RASA2: variants seen among roughly 807,000 people sequenced by gnomAD.
RASA2 encodes ras GTPase-activating protein 2.
RASA2 carries 155 observed loss-of-function variants against 118.2 expected under a neutral mutation model. That is an observed-to-expected ratio of 1.31 (90% CI 1.15 to 1.50). The LOEUF is 1.50. Ranked by LOEUF, RASA2 falls within the 40% of genes most tolerant of loss-of-function variation. RASA2 has a pLI of 0.00. For synonymous variants in RASA2, 353 were observed against 349.1 expected, an observed-to-expected ratio of 1.01 and a Z score of -0.12; for missense variants, 1,016 against 1,009.6, an observed-to-expected ratio of 1.01 and a Z score of -0.09.
chr3:141,531,335 T>C (rs183732608), intron 4 of RASA2, among the ~76,000 whole-genome samples: 1 of 152,000 alleles, frequency 6.6e-6, no homozygotes, highest in African/African-American at 2.4e-5. Context: ...AAAATCTATA[T>C]AGAATATAGA....
chr3:141,495,886 A>G (rs1252020316), intron 1 of RASA2, among the ~76,000 whole-genome samples: 1 of 152,258 alleles, frequency 6.6e-6, no homozygotes, highest in African/African-American at 2.4e-5. Context: ...AGGTATATCT[A>G]TGTTATGAAA....
At position 141,580,083 on chromosome 3, in the gene RASA2, AAAATATATAT is replaced by A. The variant is rs1427286611; in HGVS notation, c.1591-283_1591-274del. Among the ~76,000 whole-genome samples, 50 of 82,526 alleles carry A rather than the reference AAAATATATAT, an allele frequency of 6.1e-4. 1 individual carries two copies. Among genetic ancestry groups the A allele is most frequent in the African/African-American group, 2.2e-3 (43 of 19,722 alleles). 54.1% of individuals were successfully genotyped at this position (82,526 alleles called of 152,430 possible). The stretch of plus-strand genomic sequence containing the variant: ...GAAAAAAAAAAGAAAAAAAAAAAAA[AAAATATATAT>A]ATATATATATATATATATATATATG... On this transcript the variant is annotated intron_variant, in intron 15 of 23. Coordinates refer to ENST00000286364, the MANE Select transcript of RASA2 (RefSeq NM_006506.5).
intron 23 of RASA2, among the ~76,000 whole-genome samples, chr3:141,611,184 T>A (rs1200920494): frequency 6.6e-6 from 1 of 152,194 alleles, no homozygotes; most frequent in African/African-American, 2.4e-5. Flanking sequence ...CTACAGTTGG[T>A]TAATTCAGCA....
At chr3:141,487,338 T>G (rs1347532264) in intron 1 of RASA2, 122 bp downstream of exon 1, 11 of 1,015,510 alleles carry the variant, frequency 1.1e-5, no homozygotes, top group East Asian at 1.1e-4. Context: ...GGAGGGGGCC[T>G]GGGCCGGGCG....
intron 5 of RASA2, among the ~76,000 whole-genome samples, chr3:141,548,561 A>G (rs2082522553): frequency 6.6e-6 from 1 of 152,026 alleles, no homozygotes; most frequent in African/African-American, 2.4e-5. Flanking sequence ...TTGATTTCTC[A>G]TCCTTATAGA....
chr3:141,524,081 C>A (rs1245598959), intron 3 of RASA2, among the ~76,000 whole-genome samples: 1 of 152,224 alleles, frequency 6.6e-6, no homozygotes, highest in African/African-American at 2.4e-5. Flanking sequence ...TGGCTTAATA[C>A]AGCAACCGTA....
chr3:141,603,476 C>T (rs1405855148), intron 19 of RASA2, among the ~76,000 whole-genome samples: 1 of 151,942 alleles, frequency 6.6e-6, no homozygotes, highest in Non-Finnish European at 1.5e-5. Flanking sequence ...GAGGCTGAGG[C>T]AGGAGAATCG....
At chr3:141,553,719 G>A in intron 5 of RASA2, 138 bp from the exon 6 acceptor site, 1 of 1,383,828 alleles carries the variant, frequency 7.2e-7, no homozygotes, top group Non-Finnish European at 9.4e-7. Flanking sequence ...TTCCATATAG[G>A]TAGTATATAG....
At chr3:141,580,995 A>G (rs771206804) in intron 16 of RASA2, 105 bp from the exon 17 acceptor site, 4 of 1,202,360 alleles carry the variant, frequency 3.3e-6, no homozygotes, top group Non-Finnish European at 4.4e-6. Flanking sequence ...CTGAAAATAT[A>G]TAATTGAGTC....
At chr3:141,599,384 A>G (rs1175306370) in intron 19 of RASA2, among the ~76,000 whole-genome samples, 1 of 152,108 alleles carries the variant, frequency 6.6e-6, no homozygotes, top group Non-Finnish European at 1.5e-5. Flanking sequence ...AACTCTAACA[A>G]TCACTAGACA....
chr3:141,582,719 C>G (rs1352635154), intron 17 of RASA2, among the ~76,000 whole-genome samples: 1 of 152,116 alleles, frequency 6.6e-6, no homozygotes, highest in Non-Finnish European at 1.5e-5. Context: ...TCCTAGTTTC[C>G]TTTATTATTT....
At chr3:141,530,670 TC>T (rs2082246674) in intron 4 of RASA2, among the ~76,000 whole-genome samples, 1 of 152,126 alleles carries the variant, frequency 6.6e-6, no homozygotes, top group Admixed American at 6.6e-5. Flanking sequence ...TTCCTCATAA[TC>T]TCTCAAGCAT....
intron 9 of RASA2, among the ~76,000 whole-genome samples, chr3:141,569,975 G>A (rs997673501): frequency 6.6e-6 from 1 of 151,916 alleles, no homozygotes; most frequent in African/African-American, 2.4e-5. Context: ...TTTTCTTTCT[G>A]TGACTGCGAA....
intron 17 of RASA2, 70 bp from the exon 18 acceptor site, chr3:141,585,955 G>A: frequency 8.0e-7 from 1 of 1,242,526 alleles, no homozygotes; most frequent in Non-Finnish European, 1.1e-6. Flanking sequence ...TTAATGACAT[G>A]TAAGATAAAC....
intron 5 of RASA2, among the ~76,000 whole-genome samples, chr3:141,551,351 A>G (rs1050051957): frequency 6.6e-6 from 1 of 152,172 alleles, no homozygotes; most frequent in Non-Finnish European, 1.5e-5. Context: ...ACTGTGGCTG[A>G]TGGTACCTCT....
chr3:141,540,842 T>C (rs1374635906), intron 5 of RASA2, among the ~76,000 whole-genome samples: 2 of 152,154 alleles, frequency 1.3e-5, no homozygotes, highest in African/African-American at 2.4e-5. Context: ...TTAAATGATA[T>C]ATATGGGCAT....
At chr3:141,500,742 A>G (rs2081766808) in intron 1 of RASA2, among the ~76,000 whole-genome samples, 1 of 152,212 alleles carries the variant, frequency 6.6e-6, no homozygotes, top group Non-Finnish European at 1.5e-5. Flanking sequence ...ATGTATATCC[A>G]GTTCTTGTAG....
chr3:141,516,559 A>G lies in RASA2; in HGVS notation c.355+128A>G, dbSNP rs988844297. 1.2e-5 allele frequency: 9 copies of G among 738,448 alleles called. No individual in the cohort carries two copies. In the South Asian group the frequency reaches 3.6e-4, roughly 30 times the overall value. 45.7% of individuals were successfully genotyped at this position (738,448 alleles called of 1,614,324 possible). A position where few individuals can be genotyped will look rare whatever the true frequency, so the allele number is the denominator to read the frequency against. ...TCTCTGATCTTTTTCTGTAGACTACATGTTCATTTGTGAAATTTCATTTTT... is the reference window on the plus strand; with the variant it reads ...TCTCTGATCTTTTTCTGTAGACTACGTGTTCATTTGTGAAATTTCATTTTT... On this transcript the variant is annotated intron_variant, in intron 3 of 23. Coordinates refer to ENST00000286364, the MANE Select transcript of RASA2 (RefSeq NM_006506.5).
intron 8 of RASA2, 54 bp downstream of exon 8, chr3:141,559,016 C>G (rs2082690287): frequency 7.0e-7 from 1 of 1,431,538 alleles, no homozygotes; most frequent in South Asian, 1.3e-5. Flanking sequence ...AAAGAAAATC[C>G]TAGATTCAAC....
Sources: allele counts gnomAD v4.1 joint callset (sites outside exome capture counted in the v4.1 genomes callset), GRCh38; gene constraint gnomAD v4.1.1; transcripts MANE v1.5; gene names NCBI Gene and HGNC (gene_info 2026-07-23, HGNC 2026-07-21).